Variants in FAM13B observed in about 807,000 individuals in gnomAD.
FAM13B encodes protein FAM13B.
Under a neutral mutation model 117.3 loss-of-function variants are expected in FAM13B, and 60 were observed. The observed-to-expected ratio is 0.51, with a 90% CI of 0.42 to 0.63. The LOEUF is 0.63. FAM13B is among the 30% of genes least tolerant of loss of function. The probability of loss-of-function intolerance (pLI) is 0.00; values close to 1 mark genes in which losing one functional copy is unlikely to be tolerated. For synonymous variants in FAM13B, 332 were observed against 356.1 expected, an observed-to-expected ratio of 0.93 and a Z score of 0.76; for missense variants, 972 against 1,091.9, an observed-to-expected ratio of 0.89 and a Z score of 1.55.
chr5:138,016,140 AT>A (rs1785209445), intron 4 of FAM13B, among the ~76,000 whole-genome samples: 1 of 152,210 alleles, frequency 6.6e-6, no homozygotes, highest in African/African-American at 2.4e-5. Context: ...TGCTGTCATA[AT>A]TTTAAATGAA....
At chr5:137,975,639 T>C (rs960174188) in intron 10 of FAM13B, among the ~76,000 whole-genome samples, 6 of 152,096 alleles carry the variant, frequency 3.9e-5, no homozygotes, top group African/African-American at 1.4e-4. Context: ...GTCAAAGCCA[T>C]CTGAATTAAG....
At chr5:138,015,853 T>A (rs541178466) in intron 4 of FAM13B, among the ~76,000 whole-genome samples, 2 of 152,322 alleles carry the variant, frequency 1.3e-5, no homozygotes, top group African/African-American at 4.8e-5. Flanking sequence ...AATACTACCA[T>A]ACCTAGCTGC....
At chr5:138,027,594 T>C (rs1346099023) in intron 1 of FAM13B, among the ~76,000 whole-genome samples, 1 of 152,228 alleles carries the variant, frequency 6.6e-6, no homozygotes, top group African/African-American at 2.4e-5. Context: ...CCTCCTGGCC[T>C]GAGAAACTGA....
At chr5:137,947,574 CA>C (rs1025817878) in intron 18 of FAM13B, among the ~76,000 whole-genome samples, 24 of 150,700 alleles carry the variant, frequency 1.6e-4, no homozygotes, top group Non-Finnish European at 2.4e-4. Flanking sequence ...AATTTTTCTA[CA>C]AAAAAAAATT....
chr5:137,980,131 C>T (rs1038962582), intron 10 of FAM13B, among the ~76,000 whole-genome samples: 1 of 149,618 alleles, frequency 6.7e-6, no homozygotes, highest in African/African-American at 2.5e-5. Flanking sequence ...CCACATCACA[C>T]GACTGCACTC....
intron 5 of FAM13B, 151 bp from the exon 6 acceptor site, chr5:138,011,300 T>C (rs1709225005): frequency 2.9e-6 from 2 of 680,166 alleles, no homozygotes; most frequent in Admixed American, 6.7e-5. Context: ...ACCTAATTTG[T>C]ACCCTGTTCA....
chr5:138,014,102 A>G (rs1275535994), intron 4 of FAM13B, among the ~76,000 whole-genome samples: 1 of 152,140 alleles, frequency 6.6e-6, no homozygotes, highest in Non-Finnish European at 1.5e-5. Flanking sequence ...ACAGCTGGCT[A>G]TTTTTTGAAG....
chr5:137,984,705 A>C (rs1237126873), intron 10 of FAM13B, among the ~76,000 whole-genome samples: 1 of 152,152 alleles, frequency 6.6e-6, no homozygotes, highest in East Asian at 1.9e-4. Flanking sequence ...AGTCAACCAT[A>C]ATACCACCTA....
chr5:137,954,536 GTGTA>G (rs59748962), intron 14 of FAM13B, 160 bp from the exon 15 acceptor site: 96,587 of 336,724 alleles, frequency 0.29, 13,109 homozygotes, highest in African/African-American at 0.34. Context: ...ACATGTGTGT[GTGTA>G]TATATATATA....
At chr5:138,015,198 T>C (rs1327738333) in intron 4 of FAM13B, among the ~76,000 whole-genome samples, 2 of 152,156 alleles carry the variant, frequency 1.3e-5, no homozygotes, top group African/African-American at 4.8e-5. Flanking sequence ...CACAAAAAAT[T>C]ATCAAGCCCA....
At chr5:137,943,616 G>A (rs867146413) in intron 20 of FAM13B, among the ~76,000 whole-genome samples, 5 of 152,102 alleles carry the variant, frequency 3.3e-5, no homozygotes, top group Admixed American at 6.5e-5. Context: ...GTGGTGGCAC[G>A]CACCTGTAGT....
chr5:137,954,279 T>C lies in FAM13B; in HGVS notation c.1605A>G (p.Glu535=). Residue 535 remains glutamate (E), a synonymous_variant, in exon 15 of 24, where the codon GAA becomes GAG. Coordinates refer to ENST00000689681, the MANE Select transcript of FAM13B (RefSeq NM_001385994.1). Reference sequence around the variant, plus strand: ...GTGATAATACTGGAGGACAGTCCTCTTCCAAGGGGTGATGATTCATTCTTC... The same window carrying C: ...GTGATAATACTGGAGGACAGTCCTCCTCCAAGGGGTGATGATTCATTCTTC... ...QAGRMNHHPL[E]EDCPPVLSHR... is the part of the protein sequence containing the mutation. 5.6e-6 allele frequency: 9 copies of C among 1,614,048 alleles called. No homozygotes were observed. Among genetic ancestry groups the C allele is most frequent in the Non-Finnish European group, 7.6e-6 (9 of 1,179,986 alleles).
chr5:137,997,447 C>T (rs1271638749), intron 7 of FAM13B, among the ~76,000 whole-genome samples: 1 of 151,328 alleles, frequency 6.6e-6, no homozygotes, highest in Admixed American at 6.6e-5. Flanking sequence ...CCAGCCTGGA[C>T]AACAAGAGCG....
chr5:137,942,075 G>T, intron 22 of FAM13B, 30 bp from the exon 23 acceptor site: 1 of 1,532,072 alleles, frequency 6.5e-7, no homozygotes, highest in Non-Finnish European at 9.0e-7. Context: ...ATACTGAAGG[G>T]CACACTTGAT....
chr5:137,957,372 T>C (rs1222002597), intron 13 of FAM13B, among the ~76,000 whole-genome samples: 2 of 151,862 alleles, frequency 1.3e-5, no homozygotes, highest in Non-Finnish European at 2.9e-5. Flanking sequence ...AGAAACTCCG[T>C]CTCTACTAAA....
intron 6 of FAM13B, among the ~76,000 whole-genome samples, chr5:138,009,354 AATGATAG>A (rs1381414407): frequency 7.9e-5 from 12 of 152,188 alleles, no homozygotes; most frequent in Non-Finnish European, 8.8e-5. Context: ...GAAAATCTCA[AATGATAG>A]ATCAGGTTTT....
At chr5:138,039,202 G>T (rs1029163787) in intron 1 of FAM13B, 4 of 152,082 alleles carry the variant, frequency 2.6e-5, no homozygotes, top group African/African-American at 9.7e-5. Flanking sequence ...TTTTATTGTT[G>T]AAAATAAATA....
chr5:138,025,316 T>A (rs1380393550), intron 1 of FAM13B, among the ~76,000 whole-genome samples: 2 of 122,746 alleles, frequency 1.6e-5, no homozygotes, highest in African/African-American at 5.9e-5. Flanking sequence ...TATATGTATT[T>A]TTTTTTTTTT....
intron 13 of FAM13B, among the ~76,000 whole-genome samples, chr5:137,958,180 G>T (rs1767122669): frequency 6.6e-6 from 1 of 152,150 alleles, no homozygotes; most frequent in Admixed American, 6.5e-5. Context: ...TAACAAAAAA[G>T]AACATTTAAT....
Sources: allele counts gnomAD v4.1 joint callset (sites outside exome capture counted in the v4.1 genomes callset), GRCh38; gene constraint gnomAD v4.1.1; transcripts MANE v1.5; gene names NCBI Gene and HGNC (gene_info 2026-07-23, HGNC 2026-07-21).